Variants in SKIC3 observed in about 807,000 individuals in gnomAD.
SKIC3 encodes SKI3 subunit of superkiller complex, also known as superkiller complex protein 3.
chr5:95,482,443 A>C, the SKIC3 span: 1 of 1,609,194 alleles, frequency 6.2e-7, no homozygotes, highest in Non-Finnish European at 8.5e-7. Flanking sequence ...GTTTTAATTG[A>C]GGACTCAAGT....
At chr5:95,529,110 G>C in the SKIC3 span, 1 of 1,612,706 alleles carries the variant, frequency 6.2e-7, no homozygotes, top group Admixed American at 1.7e-5. Flanking sequence ...ACCCTAAAAG[G>C]ATAAAAACAA....
At chr5:95,511,464 C>T in the SKIC3 span, among the ~76,000 whole-genome samples, 210 of 152,272 alleles carry the variant, frequency 1.4e-3, no homozygotes, top group Non-Finnish European at 2.5e-3. Flanking sequence ...CATGCCTTCA[C>T]ATGCCACACC....
the SKIC3 span, chr5:95,467,836 C>T: frequency 6.8e-6 from 11 of 1,612,808 alleles, no homozygotes; most frequent in Non-Finnish European, 9.3e-6. Context: ...ATCAATGCCT[C>T]AAACATTTTA....
At chr5:95,464,517 T>TA in the SKIC3 span, 1 of 1,029,482 alleles carries the variant, frequency 9.7e-7, no homozygotes. Context: ...AAATATAGTT[T>TA]AAAAAAATGT....
chr5:95,549,344 G>C, the SKIC3 span, among the ~76,000 whole-genome samples: 3 of 152,028 alleles, frequency 2.0e-5, no homozygotes, highest in African/African-American at 7.2e-5. Flanking sequence ...TAGGTAAATA[G>C]AGCCTCAGAT....
the SKIC3 span, chr5:95,478,584 T>A: frequency 8.6e-7 from 1 of 1,160,394 alleles, no homozygotes; most frequent in Non-Finnish European, 1.2e-6. Context: ...AAAAAACAAT[T>A]ACAGGTCAAA....
chr5:95,547,043 G>A, the SKIC3 span: 1 of 1,606,000 alleles, frequency 6.2e-7, no homozygotes, highest in Non-Finnish European at 8.5e-7. Flanking sequence ...CATTGTGGAA[G>A]AAAAAAATAC....
At chr5:95,537,635 T>G in the SKIC3 span, among the ~76,000 whole-genome samples, 14 of 152,318 alleles carry the variant, frequency 9.2e-5, no homozygotes, top group Middle Eastern at 6.8e-3. Context: ...ACTTCTCTTA[T>G]GCAGTATTAG....
At chr5:95,483,165 T>C in the SKIC3 span, among the ~76,000 whole-genome samples, 5 of 152,148 alleles carry the variant, frequency 3.3e-5, no homozygotes, top group African/African-American at 1.2e-4. Flanking sequence ...GTTTCTATCT[T>C]AAAATACTTA....
chr5:95,522,279 T>C, the SKIC3 span: 2 of 1,613,652 alleles, frequency 1.2e-6, no homozygotes, highest in South Asian at 1.1e-5. Context: ...TTGAAGTCCT[T>C]TGGGTCTGCT....
At chr5:95,472,954 T>C in the SKIC3 span, among the ~76,000 whole-genome samples, 1 of 152,216 alleles carries the variant, frequency 6.6e-6, no homozygotes, top group Non-Finnish European at 1.5e-5. Flanking sequence ...CTTTTTTTTA[T>C]GGCTGTATAG....
the SKIC3 span, among the ~76,000 whole-genome samples, chr5:95,554,462 T>A: frequency 6.6e-6 from 1 of 152,094 alleles, no homozygotes; most frequent in Non-Finnish European, 1.5e-5. Flanking sequence ...TGAACCTACG[T>A]CAACTAACTG....
the SKIC3 span, chr5:95,550,888 T>C: frequency 1.3e-5 from 2 of 152,096 alleles, no homozygotes; most frequent in Admixed American, 1.3e-4. Flanking sequence ...AAAGGAAACT[T>C]CTACAAGAGA....
At chr5:95,550,718 C>A in the SKIC3 span, 1 of 152,438 alleles carries the variant, frequency 6.6e-6, no homozygotes, top group East Asian at 1.9e-4. Context: ...CCAAAACCTT[C>A]TAAACTTTTT....
the SKIC3 span, chr5:95,509,601 A>G: frequency 1.9e-6 from 3 of 1,608,554 alleles, no homozygotes; most frequent in Non-Finnish European, 2.6e-6. Context: ...TACCTTTGGT[A>G]TGCATTTGCT....
chr5:95,503,124 T>A, the SKIC3 span: 2 of 1,080,972 alleles, frequency 1.9e-6, no homozygotes, highest in Non-Finnish European at 2.7e-6. Flanking sequence ...CTTTGTATTC[T>A]CCTGTTCTCA....
At chr5:95,554,165 C>T in the SKIC3 span, among the ~76,000 whole-genome samples, 5 of 152,098 alleles carry the variant, frequency 3.3e-5, no homozygotes, top group African/African-American at 1.2e-4. Flanking sequence ...CACCTAAGTG[C>T]CATGTGAGTA....
the SKIC3 span, among the ~76,000 whole-genome samples, chr5:95,552,031 CAAG>C: frequency 6.6e-6 from 1 of 152,214 alleles, no homozygotes; most frequent in East Asian, 1.9e-4. Flanking sequence ...CTTGCTCTCT[CAAG>C]AAGTAAACTT....
At chr5:95,492,124 A>G in the SKIC3 span, among the ~76,000 whole-genome samples, 1 of 152,206 alleles carries the variant, frequency 6.6e-6, no homozygotes, top group Admixed American at 6.5e-5. Context: ...CCATATTATG[A>G]AACAATTTCT....
Sources: gnomAD v4.1 joint callset for allele counts (sites outside exome capture counted in the v4.1 genomes callset) on GRCh38, gnomAD v4.1.1 for gene constraint, MANE v1.5 for transcripts, NCBI Gene and HGNC (gene_info 2026-07-23, HGNC 2026-07-21) for gene names.